Variants in HDAC9 observed in about 807,000 individuals in gnomAD.
The protein encoded by HDAC9 is MEF-2 interacting transcription repressor (MITR) protein.
A neutral mutation model predicts 139.4 loss-of-function variants in HDAC9; 41 were observed. That is an observed-to-expected ratio of 0.29 (90% CI 0.23 to 0.38). HDAC9 has a LOEUF of 0.38. Ranked by LOEUF, HDAC9 falls within the 10% of genes least tolerant of loss-of-function variation. The probability of loss-of-function intolerance (pLI) is 1.00; values close to 1 mark genes in which losing one functional copy is unlikely to be tolerated. For synonymous variants in HDAC9, 517 were observed against 476.2 expected (o/e 1.09, Z -1.12); for missense variants, 1,147 against 1,297.0 (o/e 0.88, Z 1.78).
chr7:18,479,251 A>G (rs1686173864), intron 1 of HDAC9, among the ~76,000 whole-genome samples: 1 of 151,986 alleles, frequency 6.6e-6, no homozygotes, highest in African/African-American at 2.4e-5. Context: ...TGCTTTTTGT[A>G]TATATGTTTA....
At chr7:18,722,307 T>C (rs1033005114) in intron 12 of HDAC9, among the ~76,000 whole-genome samples, 2 of 152,192 alleles carry the variant, frequency 1.3e-5, no homozygotes, top group African/African-American at 4.8e-5. Flanking sequence ...AATGCTTTTG[T>C]GGAGAGCATG....
At chr7:18,733,486 C>T (rs1156863669) in intron 13 of HDAC9, among the ~76,000 whole-genome samples, 3 of 151,052 alleles carry the variant, frequency 2.0e-5, no homozygotes, top group Admixed American at 2.0e-4. Flanking sequence ...AAATTTCTTT[C>T]AAAAAACTCT....
chr7:18,510,733 G>C (rs968764343), intron 2 of HDAC9, among the ~76,000 whole-genome samples: 2 of 152,110 alleles, frequency 1.3e-5, no homozygotes, highest in East Asian at 3.8e-4. Context: ...TAAAATGTCA[G>C]AATAAGGAGT....
intron 4 of HDAC9, 93 bp from the exon 5 acceptor site, chr7:18,591,423 C>T (rs952170322): frequency 3.4e-5 from 48 of 1,417,798 alleles, no homozygotes; most frequent in Non-Finnish European, 4.4e-5. Context: ...GTCAAATATT[C>T]TAGAGGCATG....
intron 1 of HDAC9, among the ~76,000 whole-genome samples, chr7:18,382,055 A>G (rs1471658932): frequency 2.0e-5 from 3 of 152,180 alleles, no homozygotes; most frequent in African/African-American, 7.2e-5. Flanking sequence ...TCATAAAAAA[A>G]TCCAGTTATT....
intron 9 of HDAC9, among the ~76,000 whole-genome samples, chr7:18,646,115 TA>T (rs1329105472): frequency 1.3e-5 from 2 of 152,206 alleles, no homozygotes; most frequent in Non-Finnish European, 2.9e-5. Flanking sequence ...GATAATATTT[TA>T]CAGTTATCAC....
intron 1 of HDAC9, among the ~76,000 whole-genome samples, chr7:18,379,725 A>AT (rs1421845442): frequency 1.3e-4 from 19 of 151,972 alleles, no homozygotes; most frequent in African/African-American, 3.4e-4. Context: ...TACTGGGAGG[A>AT]TTGTTGTCTG....
chr7:18,495,784 C>G lies in HDAC9; in HGVS notation c.-281C>G. Reference sequence around the variant, plus strand: ...ACAGACACAGATAGGAGAAGGGCACCGGCTGGAGCCACTTGCAGGACTGAG... The same window carrying G: ...ACAGACACAGATAGGAGAAGGGCACGGGCTGGAGCCACTTGCAGGACTGAG... On this transcript the variant is annotated 5_prime_UTR_variant, in exon 1 of 26. Coordinates refer to ENST00000686413, the MANE Select transcript of HDAC9 (RefSeq NM_178425.4). 1 of 997,502 alleles carries G rather than the reference C, an allele frequency of 1.0e-6. No homozygotes were observed. The highest frequency in any genetic ancestry group is 1.2e-6 in the Non-Finnish European group (1 of 838,348). 61.8% of individuals were successfully genotyped at this position (997,502 alleles called of 1,614,324 possible).
rs1224548061 is a variant in HDAC9, at chr7:19,000,395, C to T, written c.*4333C>T. 2.0e-5 allele frequency: 3 copies of T among 152,162 alleles called. No homozygotes were observed. Among genetic ancestry groups the T allele is most frequent in the East Asian group, 3.8e-4 (2 of 5,196 alleles). 9.4% of individuals were successfully genotyped at this position (152,162 alleles called of 1,614,324 possible). A position where few individuals can be genotyped will look rare whatever the true frequency, so the allele number is the denominator to read the frequency against. On this transcript the variant is annotated 3_prime_UTR_variant, in exon 26 of 26. Transcript: ENST00000686413. ...CCTTGCTTGCTTTTACTCCATGAAA[C>T]GCTTCATGAAGCAGAGCATGATTGT...
intron 2 of HDAC9, among the ~76,000 whole-genome samples, chr7:18,242,041 G>A (rs919470172): frequency 1.3e-5 from 2 of 152,108 alleles, no homozygotes; most frequent in Non-Finnish European, 2.9e-5. Context: ...AACCACTAGG[G>A]TGCTCTACCT....
chr7:18,150,476 C>T (rs1298275308), intron 1 of HDAC9, among the ~76,000 whole-genome samples: 1 of 152,184 alleles, frequency 6.6e-6, no homozygotes, highest in African/African-American at 2.4e-5. Flanking sequence ...TCTTCGTTGG[C>T]TAAGGGACTC....
Position 18,496,259 on chromosome 7 carries a change from C to T in HDAC9, c.-41-3C>T, listed in dbSNP as rs752718760. 1.6e-5 allele frequency: 25 copies of T among 1,612,906 alleles called. No individual in the cohort carries two copies. The highest frequency in any genetic ancestry group is 8.4e-5 in the Admixed American group (5 of 59,850). On this transcript the variant is annotated splice_polypyrimidine_tract_variant and splice_region_variant and intron_variant, in intron 1 of 25. Transcript: ENST00000686413. ...TACGAGAGTGACTCCTGTTTTTCCT[C>T]AGATGGGGTGGCTGGACGAGAGCAG... is the stretch of plus-strand genomic sequence containing the variant.
At chr7:18,257,502 G>A (rs993829071) in intron 2 of HDAC9, among the ~76,000 whole-genome samples, 7 of 151,656 alleles carry the variant, frequency 4.6e-5, no homozygotes, top group Non-Finnish European at 1.0e-4. Context: ...CAGGTGCTAA[G>A]GTACTATCCA....
At chr7:18,150,989 C>G (rs566910217) in intron 1 of HDAC9, among the ~76,000 whole-genome samples, 9 of 152,196 alleles carry the variant, frequency 5.9e-5, no homozygotes, top group Non-Finnish European at 1.2e-4. Context: ...ATCTAAAGGG[C>G]TGCTACAGAT....
chr7:18,548,478 C>T (rs952227274), intron 2 of HDAC9, among the ~76,000 whole-genome samples: 1 of 152,012 alleles, frequency 6.6e-6, no homozygotes, highest in Non-Finnish European at 1.5e-5. Flanking sequence ...ATCTACAAAG[C>T]ACAATAAAGC....
intron 2 of HDAC9, among the ~76,000 whole-genome samples, chr7:18,535,742 A>G (rs995126316): frequency 6.6e-6 from 1 of 151,362 alleles, no homozygotes; most frequent in Non-Finnish European, 1.5e-5. Context: ...AAAAAAAAAA[A>G]AAAAAAAAAT....
At chr7:18,458,893 T>G in intron 1 of HDAC9, 1 of 1,533,500 alleles carries the variant, frequency 6.5e-7, no homozygotes, top group South Asian at 1.2e-5. Flanking sequence ...TGCTGTAGGA[T>G]CTTCCCAGGT....
chr7:18,544,303 C>CT (rs1814019663), intron 2 of HDAC9, among the ~76,000 whole-genome samples: 1 of 152,182 alleles, frequency 6.6e-6, no homozygotes, highest in Non-Finnish European at 1.5e-5. Context: ...AAGGACAACT[C>CT]TTTAAGTTTT....
rs1452176677 is a variant in HDAC9 at position 18,997,800 on chromosome 7, G to C, written c.*1738G>C. 6.6e-6 allele frequency: 1 copy of C among 151,770 alleles called. No individual in the cohort carries two copies. The highest frequency in any genetic ancestry group is 1.5e-5 in the Non-Finnish European group (1 of 67,918). 9.4% of individuals were successfully genotyped at this position (151,770 alleles called of 1,614,324 possible). Reference sequence around the variant, plus strand: ...TTTTTCATGCATTTGGTTTTTTTAGGATTACCATTTTAATTTTAAAGACTT... The same window carrying C: ...TTTTTCATGCATTTGGTTTTTTTAGCATTACCATTTTAATTTTAAAGACTT... On this transcript the variant is annotated 3_prime_UTR_variant, in exon 26 of 26. Transcript: ENST00000686413.
Sources: gnomAD v4.1 joint callset for allele counts (sites outside exome capture counted in the v4.1 genomes callset) on GRCh38, gnomAD v4.1.1 for gene constraint, MANE v1.5 for transcripts, NCBI Gene and HGNC (gene_info 2026-07-23, HGNC 2026-07-21) for gene names.